The following ADCY6 variants were observed in gnomAD, a reference collection of about 807,000 sequenced individuals.
The protein encoded by ADCY6 is adenylate cyclase type 6.
In ADCY6, 59 loss-of-function variants were observed where a neutral mutation model predicts 111.6. The ratio of observed to expected loss-of-function variants is 0.53; its 90% confidence interval spans 0.43 to 0.66. The LOEUF (loss-of-function observed/expected upper bound fraction) is 0.66, where lower values mean the gene tolerates loss of function less well. Ranked by LOEUF, ADCY6 falls within the 30% of genes least tolerant of loss-of-function variation. The probability of loss-of-function intolerance (pLI) is 0.00; values close to 1 mark genes in which losing one functional copy is unlikely to be tolerated. For missense variants in ADCY6, 1,242 were observed against 1,595.6 expected (o/e 0.78, Z 3.78); for synonymous variants, 576 against 642.9 (o/e 0.90, Z 1.57).
In ADCY6 at chr12:48,782,951, G is replaced by GC. The variant is rs777578151; in HGVS notation, c.483dup (p.Leu162AlafsTer38). 1 of 1,613,470 alleles carries GC rather than the reference G, an allele frequency of 6.2e-7. No homozygotes were observed. The highest frequency in any genetic ancestry group is 8.5e-7 in the Non-Finnish European group (1 of 1,179,900). On this transcript the variant is annotated frameshift_variant, in exon 2 of 22. Coordinates refer to ENST00000357869, the MANE Select transcript of ADCY6 (RefSeq NM_015270.5). LOFTEE classifies it high-confidence loss of function. This position sits in a 1 kb window ranked among gnomAD's most constrained non-coding sequence, Gnocchi z 4.3. Reference sequence around the variant, plus strand: ...TGGAAAGCCAGCAGCACCGCTGTGAGCAGCACCAGCACCGCCATCAGCAGC... The same window carrying GC: ...TGGAAAGCCAGCAGCACCGCTGTGAGCCAGCACCAGCACCGCCATCAGCAGC...
Position 48,776,077 on chromosome 12 carries a change from G to A in ADCY6, c.1692C>T (p.Ala564=), listed in dbSNP as rs144153450. 675 of 1,613,700 alleles carry A rather than the reference G, an allele frequency of 4.2e-4. 1 individual carries two copies. Among genetic ancestry groups the A allele is most frequent in the Middle Eastern group, 3.1e-3 (19 of 6,060 alleles). The change falls in exon 9 of 22, where the codon GCC becomes GCT. Residue 564 remains alanine, a synonymous_variant. Transcript: ENST00000357869. This position sits in a 1 kb window ranked among gnomAD's most constrained non-coding sequence, Gnocchi z 6.1. ...GAGTCCGCTGCAGCTTGGCCAGCAT[G>A]GCCTTCTCCTCTTTCTGTGCGGGCA... The part of the protein sequence containing the change: ...GASQKRKEEK[A]MLAKLQRTRA...
intron 1 of ADCY6, 136 bp from the exon 2 acceptor site, chr12:48,783,574 A>G: frequency 6.7e-7 from 1 of 1,495,180 alleles, no homozygotes. Flanking sequence ...TTTCATCCTC[A>G]TAAAATTACT....
At chr12:48,780,161 G>A (rs1941806879) in intron 2 of ADCY6, among the ~76,000 whole-genome samples, 1 of 152,214 alleles carries the variant, frequency 6.6e-6, no homozygotes, top group African/African-American at 2.4e-5. Flanking sequence ...GAGGGAAGGG[G>A]AAGGGGGACG....
At chr12:48,772,185 GGGCCTAGGTGT>G (rs1483864089) in intron 18 of ADCY6, 99 bp downstream of exon 18, 22 of 1,469,624 alleles carry the variant, frequency 1.5e-5, no homozygotes, top group Non-Finnish European at 1.8e-6. Flanking sequence ...GAACCAGGGT[GGGCCTAGGTGT>G]GGCCTGAGCC....
intron 10 of ADCY6, 46 bp from the exon 11 acceptor site, chr12:48,775,496 T>C: frequency 6.2e-7 from 1 of 1,609,916 alleles, no homozygotes; most frequent in Non-Finnish European, 8.5e-7. Flanking sequence ...GGCATGGCCA[T>C]GTGAGAAACA....
Position 48,782,899 on chromosome 12 carries a change from G to A in ADCY6, c.536C>T (p.Ala179Val), listed in dbSNP as rs1235253743. Residue 179 changes from alanine to valine, a missense_variant, in exon 2 of 22, where the codon GCC becomes GTC. By Grantham distance (64) the Ala-to-Val change is moderately conservative (BLOSUM62 0). Around this residue, in one of 4 missense-constraint regions of ADCY6, gnomAD observed 362 missense variants for 377.2 expected, o/e 0.96. Transcript: ENST00000357869. The surrounding 1 kb of genome is among the most constrained non-coding windows in gnomAD (Gnocchi z 4.3). ...FHAAPARPQP[A>V]YVALLACAAA... is the part of the protein sequence containing the mutation. ...GGCACAGGCCAACAGTGCCACATAG[G>A]CAGGCTGAGGGCGGGCGGGTGCGGC... 4 of 1,613,790 alleles carry A rather than the reference G, an allele frequency of 2.5e-6. No individual in the cohort carries two copies. The East Asian group carries it at 6.7e-5, about 27-fold the overall frequency.
Position 48,775,954 on chromosome 12 carries a change from G to C in ADCY6, c.1806+9C>G. On this transcript the variant is annotated intron_variant, in intron 9 of 21. Transcript: ENST00000357869. The stretch of plus-strand genomic sequence containing the variant: ...TGAGGCCCTAGGTCTGGTGCTGAGG[G>C]CCCCTCACCATCTGGCGGAAGGCCT... 6.3e-7 allele frequency: 1 copy of C among 1,595,100 alleles called. No individual in the cohort carries two copies. Among genetic ancestry groups the C allele is most frequent in the South Asian group, 1.1e-5 (1 of 88,060 alleles).
intron 2 of ADCY6, among the ~76,000 whole-genome samples, chr12:48,779,681 G>A (rs561005355): frequency 2.1e-4 from 32 of 152,288 alleles, no homozygotes; most frequent in African/African-American, 7.2e-4. Flanking sequence ...AGTGTTTCTG[G>A]AAACTCAGGA....
rs763409603 is a variant in ADCY6 at position 48,777,842 on chromosome 12, C to T, written c.1015-106G>A. The T allele has an allele frequency of 3.3e-6, 5 of 1,514,332 alleles. No individual in the cohort carries two copies. The highest frequency in any genetic ancestry group is 3.6e-6 in the Non-Finnish European group (4 of 1,123,148). The allele number at this position is 1,514,332 out of a possible 1,614,324, so 93.8% of individuals were successfully genotyped here. On this transcript the variant is annotated intron_variant, in intron 3 of 21. Coordinates refer to ENST00000357869, the MANE Select transcript of ADCY6 (RefSeq NM_015270.5). The surrounding 1 kb of genome is among the most constrained non-coding windows in gnomAD (Gnocchi z 4.9). ...AGCCCTCCTAGACTTCTCTGAAGAC[C>T]TGACCTTCCCTTCTGGACTGTGGCC...
At chr12:48,779,869 C>T (rs1941798298) in intron 2 of ADCY6, among the ~76,000 whole-genome samples, 1 of 152,176 alleles carries the variant, frequency 6.6e-6, no homozygotes, top group Non-Finnish European at 1.5e-5. Context: ...ACCTCAGTTT[C>T]CTCTTGGGTA....
At position 48,771,704 on chromosome 12, in the gene ADCY6, A is replaced by G; in HGVS notation, c.3051+6T>C. 6.2e-7 allele frequency: 1 copy of G among 1,613,948 alleles called. No homozygotes were observed. The highest frequency in any genetic ancestry group is 1.1e-5 in the South Asian group (1 of 91,072). On this transcript the variant is annotated splice_donor_region_variant and intron_variant, in intron 19 of 21. Coordinates refer to ENST00000357869, the MANE Select transcript of ADCY6 (RefSeq NM_015270.5). This position sits in a 1 kb window ranked among gnomAD's most constrained non-coding sequence, Gnocchi z 4.3. ...CTCTGCCACCACCAGCCAACTGGAA[A>G]AGTACCTCATCAAAGTCAGCGATGA...
chr12:48,774,114 G>T lies in ADCY6; in HGVS notation c.2284-16C>A. 6.3e-7 allele frequency: 1 copy of T among 1,597,040 alleles called. No individual in the cohort carries two copies. Among genetic ancestry groups the T allele is most frequent in the Non-Finnish European group, 8.5e-7 (1 of 1,170,418 alleles). On this transcript the variant is annotated splice_polypyrimidine_tract_variant and intron_variant, in intron 14 of 21. Coordinates refer to ENST00000357869, the MANE Select transcript of ADCY6 (RefSeq NM_015270.5). ...TACAGGTGAACTGCAAAAGTGGAGG[G>T]GTATATCAGGGTAACCAAGGAGGGA...
rs963514206 is a variant in ADCY6 at position 48,772,523 on chromosome 12, A to G, written c.2642T>C (p.Phe881Ser). The G allele has an allele frequency of 1.2e-6, 2 of 1,614,156 alleles. No individual in the cohort carries two copies. The highest frequency in any genetic ancestry group is 1.7e-6 in the Non-Finnish European group (2 of 1,180,020). Residue 881 changes from phenylalanine (F) to serine (S), a missense_variant, in exon 17 of 22, where the codon TTT (phenylalanine) becomes TCT (serine). Coordinates refer to ENST00000357869, the MANE Select transcript of ADCY6 (RefSeq NM_015270.5). The part of the protein sequence containing the change: ...VHGLASSNET[F>S]DGLDCPAAGR... ...CCTCACTTACCAGTCCAGCCCATCA[A>G]AGGTCTCATTGGAAGAAGCCCTGGT...
chr12:48,775,594 G>A (rs923308801), intron 10 of ADCY6, 79 bp downstream of exon 10: 2 of 1,585,550 alleles, frequency 1.3e-6, no homozygotes, highest in Non-Finnish European at 1.7e-6. Flanking sequence ...CCTAAGGTCA[G>A]GGAAAAGGAG....
intron 20 of ADCY6, among the ~76,000 whole-genome samples, chr12:48,769,413 CAA>C (rs111727567): frequency 0.034 from 1,312 of 38,796 alleles, 10 homozygotes; most frequent in African/African-American, 0.1. Flanking sequence ...ATCCCCATCT[CAA>C]AAAAAAAAAA....
chr12:48,769,185 T>C (rs1334114793), intron 20 of ADCY6, 124 bp from the exon 21 acceptor site: 2 of 1,092,564 alleles, frequency 1.8e-6, no homozygotes, highest in Non-Finnish European at 1.3e-6. Context: ...AGTCTCCTGG[T>C]TGTAAAGAAC....
At chr12:48,780,766 GC>G (rs1941820538) in intron 2 of ADCY6, among the ~76,000 whole-genome samples, 1 of 152,232 alleles carries the variant, frequency 6.6e-6, no homozygotes, top group Non-Finnish European at 1.5e-5. Flanking sequence ...CAGCCATAAA[GC>G]CCTGGTTGAG....
Position 48,783,037 on chromosome 12 carries a change from G to C in ADCY6, c.398C>G (p.Ser133Trp), listed in dbSNP as rs150803944. 5.0e-6 allele frequency: 8 copies of C among 1,613,382 alleles called. No homozygotes were observed. Among genetic ancestry groups the C allele is most frequent in the Non-Finnish European group, 5.9e-6 (7 of 1,179,886 alleles). ...CTGGTACAGGCGCTCCAGCTTGGCC[G>C]AACGGAACTGCTTCGACTGGAACAC... ...VQVFQSKQFRSAKLERLYQRY... is the reference protein window; with the variant it reads ...VQVFQSKQFRWAKLERLYQRY... Residue 133 changes from serine (S) to tryptophan (W), a missense_variant, in exon 2 of 22, where the codon TCG (serine) becomes TGG (tryptophan). Physicochemically the swap from Ser to Trp is radical, Grantham distance 177. Transcript: ENST00000357869.
Position 48,782,998 on chromosome 12 carries a change from T to C in ADCY6, c.437A>G (p.Gln146Arg), listed in dbSNP as rs1371497630. 2.0e-5 allele frequency: 33 copies of C among 1,613,628 alleles called. No homozygotes were observed. The highest frequency in any genetic ancestry group is 2.7e-5 in the African/African-American group (2 of 74,944). ...CAGCGTCAGGCTGCTCTGGTTCATC[T>C]GGAAGAAGTACCGCTGGTACAGGCG... ...LERLYQRYFF[Q>R]MNQSSLTLLM... Residue 146 changes from glutamine to arginine, a missense_variant, in exon 2 of 22, where the codon CAG becomes CGG. Gln to Arg is a conservative substitution (Grantham distance 43). This residue lies in a region of ADCY6 where 362 missense variants were observed against 377.2 expected (regional missense o/e 0.96). Transcript: ENST00000357869. The surrounding 1 kb of genome is among the most constrained non-coding windows in gnomAD (Gnocchi z 4.3).
Sources: allele counts gnomAD v4.1 joint callset (sites outside exome capture counted in the v4.1 genomes callset), GRCh38; gene constraint gnomAD v4.1.1; regional missense constraint gnomAD v4.1.1; non-coding constraint Gnocchi (gnomAD v3.1); transcripts MANE v1.5; gene names NCBI Gene and HGNC (gene_info 2026-07-23, HGNC 2026-07-21).